The following SPPL3 variants were observed in gnomAD, a reference collection of about 807,000 sequenced individuals.
SPPL3 encodes signal peptide peptidase-like 3.
A neutral mutation model predicts 42.4 loss-of-function variants in SPPL3; 5 were observed. The observed-to-expected ratio is 0.12, with a 90% CI of 0.06 to 0.25. The LOEUF (loss-of-function observed/expected upper bound fraction) is 0.25. Among genes scored for constraint, SPPL3 ranks in the 10% least tolerant of loss-of-function variants. The pLI, the probability that SPPL3 is intolerant of heterozygous loss-of-function variation, is 1.00. For missense variants in SPPL3, 235 were observed against 489.0 expected (o/e 0.48, Z 4.90); for synonymous variants, 195 against 181.8 (o/e 1.07, Z -0.58).
chr12:120,800,335 TCTA>T (rs1870245398), intron 2 of SPPL3, among the ~76,000 whole-genome samples: 1 of 152,082 alleles, frequency 6.6e-6, no homozygotes, highest in Non-Finnish European at 1.5e-5. Flanking sequence ...AAACCCCGTC[TCTA>T]CTAAAAATAC....
At chr12:120,849,294 C>T (rs1254063238) in intron 1 of SPPL3, among the ~76,000 whole-genome samples, 2 of 152,184 alleles carry the variant, frequency 1.3e-5, no homozygotes, top group Non-Finnish European at 2.9e-5. Context: ...CTCTAACAAG[C>T]ATCTAAATCA....
intron 2 of SPPL3, among the ~76,000 whole-genome samples, chr12:120,806,258 C>T (rs181038006): frequency 2.4e-4 from 35 of 147,616 alleles, no homozygotes; most frequent in Non-Finnish European, 4.6e-4. Context: ...AGTGCAGTGG[C>T]GCGATCATAG....
chr12:120,778,406 C>T (rs971672175), intron 6 of SPPL3, among the ~76,000 whole-genome samples: 19 of 151,986 alleles, frequency 1.3e-4, no homozygotes, highest in African/African-American at 3.1e-4. Context: ...CATGAGCCAC[C>T]GCGCCCGGCC....
chr12:120,821,856 G>T (rs1365914979), intron 1 of SPPL3, among the ~76,000 whole-genome samples: 5 of 152,158 alleles, frequency 3.3e-5, no homozygotes, highest in Admixed American at 2.6e-4. Context: ...AGTGTCTATC[G>T]GTGAATGAAT....
rs1874074483 is a variant in SPPL3 at position 120,903,975 on chromosome 12, T to C, written c.-108A>G. ...GGCCGGGGTCCGGTGCTTGCTTGCT[T>C]GCTCGCTCGCTGGCTCGCTGGCTGC... is the stretch of plus-strand genomic sequence containing the variant. On this transcript the variant is annotated 5_prime_UTR_variant, in exon 1 of 11. Transcript: ENST00000353487. 4 of 969,478 alleles carry C rather than the reference T, an allele frequency of 4.1e-6. No homozygotes were observed. The highest frequency in any genetic ancestry group is 4.1e-5 in the South Asian group (1 of 24,176). 60.1% of individuals were successfully genotyped at this position (969,478 alleles called of 1,614,324 possible).
chr12:120,834,508 G>A (rs1871542143), intron 1 of SPPL3, among the ~76,000 whole-genome samples: 1 of 152,176 alleles, frequency 6.6e-6, no homozygotes, highest in African/African-American at 2.4e-5. Flanking sequence ...TAATCGGGAG[G>A]TGGGAAGCAG....
Position 120,769,027 on chromosome 12 carries a change from C to T in SPPL3, c.535G>A (p.Ala179Thr), listed in dbSNP as rs143092890. The T allele has an allele frequency of 7.5e-6, 12 of 1,605,534 alleles. No individual in the cohort carries two copies. The highest frequency in any genetic ancestry group is 2.7e-5 in the African/African-American group (2 of 74,826). Residue 179 changes from alanine to threonine, a missense_variant, in exon 7 of 11, where the codon GCC (alanine) becomes ACC (threonine). Coordinates refer to ENST00000353487, the MANE Select transcript of SPPL3 (RefSeq NM_139015.5). ...TTGAGGCTCGGCAGGCGGACAAAGG[C>T]GATCATGGCGACACAGAGGCCCATG... ...LAMGLCVAMI[A>T]FVRLPSLKVS...
At chr12:120,850,626 T>G (rs1207893405) in intron 1 of SPPL3, among the ~76,000 whole-genome samples, 3 of 152,178 alleles carry the variant, frequency 2.0e-5, no homozygotes, top group Non-Finnish European at 4.4e-5. Flanking sequence ...TTTTTAAATG[T>G]GAGTAACATC....
In SPPL3 at chr12:120,891,474, G is replaced by A. The variant is rs552676081; in HGVS notation, c.23+12371C>T. Among the ~76,000 whole-genome samples the A allele has an allele frequency of 2.0e-5, 3 of 151,934 alleles. No individual in the cohort carries two copies. The South Asian group carries it at 6.2e-4, about 32-fold the overall frequency. ...TTATAAAACAAAGGACAAGAAATGAGCTGAAAAAGAAAACAGACTTTTAGA... is the reference window on the plus strand; with the variant it reads ...TTATAAAACAAAGGACAAGAAATGAACTGAAAAAGAAAACAGACTTTTAGA... On this transcript the variant is annotated intron_variant, in intron 1 of 10. Transcript: ENST00000353487.
chr12:120,866,019 T>A (rs550683313), intron 1 of SPPL3, among the ~76,000 whole-genome samples: 45 of 152,326 alleles, frequency 3.0e-4, no homozygotes, highest in African/African-American at 9.1e-4. Context: ...TAATGCCCGA[T>A]GATCTGTCAC....
intron 1 of SPPL3, among the ~76,000 whole-genome samples, chr12:120,840,951 CATTCATTCATTA>C (rs1871804973): frequency 6.6e-6 from 1 of 151,880 alleles, no homozygotes; most frequent in Non-Finnish European, 1.5e-5. Context: ...TTCATTCATT[CATTCATTCATTA>C]ATAAATAAAT....
At chr12:120,854,006 A>G (rs1241384382) in intron 1 of SPPL3, among the ~76,000 whole-genome samples, 1 of 150,752 alleles carries the variant, frequency 6.6e-6, no homozygotes, top group Non-Finnish European at 1.5e-5. Context: ...ACACACACAC[A>G]CACACACACA....
intron 1 of SPPL3, among the ~76,000 whole-genome samples, chr12:120,833,944 G>C (rs957761761): frequency 2.6e-5 from 4 of 152,108 alleles, no homozygotes; most frequent in African/African-American, 9.7e-5. Context: ...AGCTGACTGT[G>C]AGTCTGCACA....
chr12:120,775,896 C>T (rs1216097156), intron 6 of SPPL3, among the ~76,000 whole-genome samples: 1 of 151,768 alleles, frequency 6.6e-6, no homozygotes, highest in African/African-American at 2.4e-5. Flanking sequence ...TTAAGAAACA[C>T]TAATTAAAAA....
chr12:120,838,852 G>A (rs1871707557), intron 1 of SPPL3, among the ~76,000 whole-genome samples: 1 of 152,140 alleles, frequency 6.6e-6, no homozygotes, highest in Non-Finnish European at 1.5e-5. Context: ...AAAAAGTCAG[G>A]AAACAACAGG....
chr12:120,820,912 T>C (rs960559777), intron 1 of SPPL3, among the ~76,000 whole-genome samples: 3 of 152,100 alleles, frequency 2.0e-5, no homozygotes, highest in Non-Finnish European at 4.4e-5. Flanking sequence ...GAAAAACATA[T>C]GGAGATCCCA....
intron 1 of SPPL3, among the ~76,000 whole-genome samples, chr12:120,897,339 G>C (rs1254517836): frequency 3.3e-5 from 5 of 152,128 alleles, no homozygotes; most frequent in African/African-American, 7.2e-5. Flanking sequence ...TAAATTCATG[G>C]GGTTAACTTT....
At chr12:120,825,560 T>C (rs2137012517) in intron 1 of SPPL3, among the ~76,000 whole-genome samples, 1 of 152,296 alleles carries the variant, frequency 6.6e-6, no homozygotes, top group Non-Finnish European at 1.5e-5. Context: ...CAAATATCGC[T>C]TGTCTTACGG....
At chr12:120,823,389 A>C (rs1871132656) in intron 1 of SPPL3, among the ~76,000 whole-genome samples, 1 of 152,082 alleles carries the variant, frequency 6.6e-6, no homozygotes, top group African/African-American at 2.4e-5. Flanking sequence ...TGCTCTCCCC[A>C]AGATCATCAA....
Sources: gnomAD v4.1 joint callset for allele counts (sites outside exome capture counted in the v4.1 genomes callset) on GRCh38, gnomAD v4.1.1 for gene constraint, MANE v1.5 for transcripts, NCBI Gene and HGNC (gene_info 2026-07-23, HGNC 2026-07-21) for gene names.